The following ARHGAP10 variants were observed in gnomAD, a reference collection of about 807,000 sequenced individuals.
ARHGAP10 encodes the protein Rho GTPase activating protein 10.
A neutral mutation model predicts 108.6 loss-of-function variants in ARHGAP10; 87 were observed. That is an observed-to-expected ratio of 0.80 (90% CI 0.67 to 0.96). ARHGAP10 has a LOEUF of 0.96. Among genes scored for constraint, ARHGAP10 ranks in the 40% least tolerant of loss-of-function variants. The pLI is 0.00. For missense variants in ARHGAP10, 939 were observed against 954.5 expected, an observed-to-expected ratio of 0.98 and a Z score of 0.21; for synonymous variants, 347 against 341.1, an observed-to-expected ratio of 1.02 and a Z score of -0.19.
intron 1 of ARHGAP10, among the ~76,000 whole-genome samples, chr4:147,814,034 C>T (rs1030216779): frequency 2.6e-5 from 4 of 152,106 alleles, no homozygotes; most frequent in African/African-American, 9.7e-5. Flanking sequence ...TTCTATTGCA[C>T]TCCTGTGAAA....
intron 18 of ARHGAP10, among the ~76,000 whole-genome samples, chr4:147,993,618 G>A (rs139655520): frequency 1.6e-3 from 251 of 152,310 alleles, no homozygotes; most frequent in African/African-American, 5.9e-3. Flanking sequence ...TCTGGAGATC[G>A]TCTGAGTTTG....
At chr4:147,837,750 G>A (rs1188001264) in intron 3 of ARHGAP10, among the ~76,000 whole-genome samples, 1 of 144,060 alleles carries the variant, frequency 6.9e-6, no homozygotes, top group Non-Finnish European at 1.5e-5. Context: ...CTGCAAGCCA[G>A]TGTCTGTCAT....
chr4:147,928,631 G>T (rs1643768309), intron 13 of ARHGAP10, among the ~76,000 whole-genome samples: 1 of 152,050 alleles, frequency 6.6e-6, no homozygotes, highest in Non-Finnish European at 1.5e-5. Flanking sequence ...TATCATCCGG[G>T]GAAGAACTTA....
At chr4:147,755,988 A>AT (rs1451717769) in intron 1 of ARHGAP10, among the ~76,000 whole-genome samples, 3,153 of 149,870 alleles carry the variant, frequency 0.021, 101 homozygotes, top group African/African-American at 0.072. Flanking sequence ...CCTGTTGGTA[A>AT]TTTTTTTTTT....
chr4:147,909,315 C>T (rs916156092), intron 11 of ARHGAP10, among the ~76,000 whole-genome samples: 1 of 152,162 alleles, frequency 6.6e-6, no homozygotes, highest in Admixed American at 6.6e-5. Context: ...CTCATGTTCA[C>T]CAACACGGAA....
At chr4:147,855,689 T>G (rs1299787617) in intron 4 of ARHGAP10, among the ~76,000 whole-genome samples, 1 of 151,228 alleles carries the variant, frequency 6.6e-6, no homozygotes, top group East Asian at 1.9e-4. Context: ...ATGGTTTTTT[T>G]TTTTTTTTTT....
At position 147,784,912 on chromosome 4, in the gene ARHGAP10, ATATAT is replaced by A. The variant is rs562205450; in HGVS notation, c.155-37810_155-37806del. 1.6e-4 allele frequency among the ~76,000 whole-genome samples: 18 copies of A among 112,810 alleles called. No homozygotes were observed. In the East Asian group the frequency reaches 2.2e-3, roughly 14 times the overall value. The allele number at this position is 112,810 out of a possible 152,430, so 74.0% of individuals were successfully genotyped here. On this transcript the variant is annotated intron_variant, in intron 1 of 22. Transcript: ENST00000336498. ...TTATAAAATATATATTATAAATATA[ATATAT>A]TATAAAATATATGTTATAAAATATA... is the stretch of plus-strand genomic sequence containing the variant.
In ARHGAP10 at chr4:147,732,218, C is replaced by T. The variant is rs1560728494; in HGVS notation, c.-84C>T. 66 of 1,363,772 alleles carry T rather than the reference C, an allele frequency of 4.8e-5. No homozygotes were observed. The highest frequency in any genetic ancestry group is 6.0e-5 in the Non-Finnish European group (63 of 1,052,964). The allele number at this position is 1,363,772 out of a possible 1,614,324, so 84.5% of individuals were successfully genotyped here. On this transcript the variant is annotated 5_prime_UTR_variant, in exon 1 of 23. Coordinates refer to ENST00000336498, the MANE Select transcript of ARHGAP10 (RefSeq NM_024605.4). ...AGCTCCTCTGTGCTCCCTGAACGCG[C>T]GGCGCCGCACCTGGCAGCGGCCTCG... is the stretch of plus-strand genomic sequence containing the variant.
chr4:148,036,576 T>C (rs528925635), intron 19 of ARHGAP10, among the ~76,000 whole-genome samples: 1 of 152,312 alleles, frequency 6.6e-6, no homozygotes, highest in East Asian at 1.9e-4. Context: ...TGTGTTTGCC[T>C]CCCCTTCTGC....
chr4:148,013,284 C>G (rs1741233540), intron 18 of ARHGAP10, among the ~76,000 whole-genome samples: 1 of 152,170 alleles, frequency 6.6e-6, no homozygotes, highest in African/African-American at 2.4e-5. Context: ...TAAACGTGTA[C>G]TTGGAAAAGG....
Position 147,732,399 on chromosome 4 carries a change from A to G in ARHGAP10, c.98A>G (p.Asn33Ser), listed in dbSNP as rs759668443. 9.9e-6 allele frequency: 16 copies of G among 1,613,308 alleles called. No individual in the cohort carries two copies. The South Asian group carries it at 1.5e-4, about 16-fold the overall frequency. Reference protein sequence around the residue: ...RAHEAELERTNKFIKELIKDG... With the variant: ...RAHEAELERTSKFIKELIKDG... ...CACGAAGCGGAACTCGAGAGGACCA[A>G]CAAGTTCATCAAAGAGCTCATTAAG... The change falls in exon 1 of 23, where the codon AAC becomes AGC. Residue 33 changes from asparagine to serine, a missense_variant. Coordinates refer to ENST00000336498, the MANE Select transcript of ARHGAP10 (RefSeq NM_024605.4).
chr4:147,836,029 C>A (rs1733156963), intron 3 of ARHGAP10, among the ~76,000 whole-genome samples: 1 of 152,106 alleles, frequency 6.6e-6, no homozygotes, highest in Non-Finnish European at 1.5e-5. Flanking sequence ...TCATTTTTTC[C>A]TAAGTGTACT....
At chr4:147,875,702 G>C (rs145187817) in intron 8 of ARHGAP10, among the ~76,000 whole-genome samples, 2 of 152,270 alleles carry the variant, frequency 1.3e-5, no homozygotes, top group East Asian at 3.9e-4. Context: ...AAATCATCAG[G>C]AAGATTGCAG....
At chr4:147,962,608 TA>T (rs1739042753) in intron 16 of ARHGAP10, among the ~76,000 whole-genome samples, 2 of 152,188 alleles carry the variant, frequency 1.3e-5, no homozygotes, top group South Asian at 4.1e-4. Flanking sequence ...CCCCCCATCA[TA>T]AATCATAGGG....
chr4:147,797,160 C>G (rs954024683), intron 1 of ARHGAP10, among the ~76,000 whole-genome samples: 1 of 152,136 alleles, frequency 6.6e-6, no homozygotes, highest in South Asian at 2.1e-4. Flanking sequence ...CTCTAGTGGC[C>G]TTTTCCTTTC....
At position 148,034,190 on chromosome 4, in the gene ARHGAP10, G is replaced by A. The variant is rs979736455; in HGVS notation, c.1867+10777G>A. On this transcript the variant is annotated intron_variant, in intron 19 of 22. Transcript: ENST00000336498. ...TCTTGAGAGCCTGATATCTGAAGCA[G>A]AAGAGCTTCAGATACGCTTTCATGT... Among the ~76,000 whole-genome samples, 8 of 152,150 alleles carry A rather than the reference G, an allele frequency of 5.3e-5. No individual in the cohort carries two copies. In the South Asian group the frequency reaches 1.7e-3, roughly 32 times the overall value.
chr4:147,769,314 GA>G (rs1729974933), intron 1 of ARHGAP10, among the ~76,000 whole-genome samples: 1 of 152,120 alleles, frequency 6.6e-6, no homozygotes. Flanking sequence ...TGTTGTTGAG[GA>G]AGAAGGAAAA....
intron 1 of ARHGAP10, among the ~76,000 whole-genome samples, chr4:147,773,513 T>C (rs1351989960): frequency 1.3e-5 from 2 of 152,194 alleles, no homozygotes; most frequent in Non-Finnish European, 2.9e-5. Context: ...ACAGCATCTA[T>C]TAGAAATCAA....
intron 1 of ARHGAP10, among the ~76,000 whole-genome samples, chr4:147,738,809 C>T (rs896140009): frequency 2.1e-4 from 32 of 152,090 alleles, no homozygotes; most frequent in African/African-American, 7.7e-4. Flanking sequence ...TTACCAGTGA[C>T]CAAGAAGAGA....
Sources: gnomAD v4.1 joint callset for allele counts (sites outside exome capture counted in the v4.1 genomes callset) on GRCh38, gnomAD v4.1.1 for gene constraint, MANE v1.5 for transcripts, NCBI Gene and HGNC (gene_info 2026-07-23, HGNC 2026-07-21) for gene names.